MACROD2: variants seen among roughly 807,000 people sequenced by gnomAD.
MACROD2 encodes ADP-ribose glycohydrolase MACROD2.
In MACROD2, 36 loss-of-function variants were observed where a neutral mutation model predicts 70.4. The ratio of observed to expected loss-of-function variants is 0.51; its 90% CI spans 0.39 to 0.68. The LOEUF (loss-of-function observed/expected upper bound fraction) is 0.68. Ranked by LOEUF, MACROD2 falls within the 30% of genes least tolerant of loss-of-function variation. The probability of loss-of-function intolerance (pLI) is 0.00; values close to 1 mark genes in which losing one functional copy is unlikely to be tolerated. For missense variants in MACROD2, 496 were observed against 538.4 expected, an observed-to-expected ratio of 0.92 and a Z score of 0.78; for synonymous variants, 172 against 178.8, an observed-to-expected ratio of 0.96 and a Z score of 0.30.
chr20:15,641,730 G>T (rs1040409064), intron 8 of MACROD2, among the ~76,000 whole-genome samples: 5 of 152,158 alleles, frequency 3.3e-5, no homozygotes, highest in African/African-American at 1.2e-4. Flanking sequence ...TTATTCATCT[G>T]AAGACAAGGA....
chr20:14,467,161 C>T (rs888508470), intron 3 of MACROD2, among the ~76,000 whole-genome samples: 2 of 152,176 alleles, frequency 1.3e-5, no homozygotes, highest in African/African-American at 4.8e-5. Context: ...GGCAGGCCTC[C>T]TTGAGCTGTG....
intron 7 of MACROD2, among the ~76,000 whole-genome samples, chr20:15,467,966 G>A (rs1328551298): frequency 6.6e-6 from 1 of 152,126 alleles, no homozygotes; most frequent in Non-Finnish European, 1.5e-5. Flanking sequence ...TCTGATTTCC[G>A]AGCTTCTACC....
intron 15 of MACROD2, among the ~76,000 whole-genome samples, chr20:16,026,301 A>C (rs1182104749): frequency 6.6e-6 from 1 of 152,196 alleles, no homozygotes; most frequent in Non-Finnish European, 1.5e-5. Context: ...GCCTCAGTAC[A>C]CCACCATTTT....
intron 6 of MACROD2, among the ~76,000 whole-genome samples, chr20:15,292,061 G>T (rs536822682): frequency 2.6e-5 from 4 of 152,160 alleles, no homozygotes; most frequent in African/African-American, 9.6e-5. Context: ...TGTTTTTAGA[G>T]ATAGAGGTCT....
chr20:14,550,977 T>C (rs1374453251), intron 4 of MACROD2, among the ~76,000 whole-genome samples: 1 of 152,182 alleles, frequency 6.6e-6, no homozygotes, highest in East Asian at 1.9e-4. Context: ...TTGAACTGCT[T>C]ATATTTGCTG....
intron 5 of MACROD2, among the ~76,000 whole-genome samples, chr20:14,944,614 T>G (rs992888125): frequency 6.6e-6 from 1 of 152,220 alleles, no homozygotes; most frequent in African/African-American, 2.4e-5. Flanking sequence ...GATTCCAGAT[T>G]CCCAGTGAAG....
chr20:14,906,265 G>C (rs978157440), intron 5 of MACROD2, among the ~76,000 whole-genome samples: 1 of 152,180 alleles, frequency 6.6e-6, no homozygotes, highest in Admixed American at 6.5e-5. Flanking sequence ...AGGCCAAGGA[G>C]GGTGTGTCAC....
intron 3 of MACROD2, among the ~76,000 whole-genome samples, chr20:14,373,201 A>G (rs1352812199): frequency 1.3e-5 from 2 of 152,152 alleles, no homozygotes; most frequent in Non-Finnish European, 2.9e-5. Flanking sequence ...CCAAACTACC[A>G]AAATGAAAAA....
intron 5 of MACROD2, among the ~76,000 whole-genome samples, chr20:15,160,126 GA>G (rs1303206828): frequency 2.0e-5 from 3 of 152,016 alleles, no homozygotes; most frequent in Admixed American, 6.6e-5. Context: ...GAGACAATTG[GA>G]ACCCCTTAAT....
intron 3 of MACROD2, among the ~76,000 whole-genome samples, chr20:14,353,421 C>A (rs1196044547): frequency 6.6e-6 from 1 of 152,018 alleles, no homozygotes; most frequent in African/African-American, 2.4e-5. Flanking sequence ...TCCTACTCCA[C>A]ATGTGTGAGT....
rs553250944 is a variant in MACROD2 at position 14,037,811 on chromosome 20, A to AT, written c.163+35407_163+35408insT. ...AGGCGGGTGGATGGTTTGAGCCCAG[A>AT]ATTTCCACACCAGCCTGTGCAATGT... On this transcript the variant is annotated intron_variant, in intron 2 of 17. Transcript: ENST00000684519. Among the ~76,000 whole-genome samples, 73 of 151,470 alleles carry AT rather than the reference A, an allele frequency of 4.8e-4. No homozygotes were observed. The East Asian group carries it at 0.012, about 25-fold the overall frequency.
chr20:15,628,886 G>T (rs2049246952), intron 8 of MACROD2, among the ~76,000 whole-genome samples: 1 of 152,164 alleles, frequency 6.6e-6, no homozygotes. Context: ...GTGTGTATTG[G>T]TTTCTTTGAC....
chr20:14,396,652 G>A (rs1022526380), intron 3 of MACROD2, among the ~76,000 whole-genome samples: 4 of 152,008 alleles, frequency 2.6e-5, no homozygotes, highest in Non-Finnish European at 4.4e-5. Context: ...TGGGCTGAGC[G>A]CAGTGGCTCA....
At position 14,965,466 on chromosome 20, in the gene MACROD2, T is replaced by TC. The variant is rs1352606652; in HGVS notation, c.419-264474_419-264473insC. 5.3e-5 allele frequency among the ~76,000 whole-genome samples: 7 copies of TC among 132,236 alleles called. 1 individual carries two copies. The highest frequency in any genetic ancestry group is 3.8e-4 in the Admixed American group (5 of 13,280). The allele number at this position is 132,236 out of a possible 152,430, so 86.8% of individuals were successfully genotyped here. A position where few individuals can be genotyped will look rare whatever the true frequency, so the allele number is the denominator to read the frequency against. ...TTATTTTTTTTTCTTTTTTTTTTTT[T>TC]TTTTTTTTTTTTGAGACGGAGTCTC... On this transcript the variant is annotated intron_variant, in intron 5 of 17. Coordinates refer to ENST00000684519, the MANE Select transcript of MACROD2 (RefSeq NM_001351661.2).
intron 3 of MACROD2, among the ~76,000 whole-genome samples, chr20:14,313,668 A>AGTGATTCTAATACCAAGAGTGGCTAATTC (rs2082588019): frequency 6.6e-6 from 1 of 152,192 alleles, no homozygotes; most frequent in Non-Finnish European, 1.5e-5. Flanking sequence ...TCTTAGACCT[A>AGTGATTCTAATACCAAGAGTGGCTAATTC]ATCCTTTAAG....
chr20:14,764,357 A>T (rs2072057039), intron 5 of MACROD2, among the ~76,000 whole-genome samples: 1 of 151,900 alleles, frequency 6.6e-6, no homozygotes, highest in South Asian at 2.1e-4. Flanking sequence ...TGGTGATTTG[A>T]CATGCTTTTC....
chr20:15,658,581 T>C (rs941550875), intron 8 of MACROD2, among the ~76,000 whole-genome samples: 1 of 152,208 alleles, frequency 6.6e-6, no homozygotes. Flanking sequence ...GGATGACCCA[T>C]AGACAGACCA....
intron 5 of MACROD2, among the ~76,000 whole-genome samples, chr20:14,983,768 ATG>A (rs1013031897): frequency 6.6e-6 from 1 of 151,952 alleles, no homozygotes; most frequent in African/African-American, 2.4e-5. Context: ...GCATGCTAAT[ATG>A]TGTGTGTGTG....
chr20:14,662,881 T>C (rs1600512679), intron 4 of MACROD2, among the ~76,000 whole-genome samples: 2 of 151,986 alleles, frequency 1.3e-5, no homozygotes, highest in African/African-American at 4.8e-5. Flanking sequence ...GATGAGAGTG[T>C]AGATAGTGTA....
Sources: allele counts gnomAD v4.1 joint callset (sites outside exome capture counted in the v4.1 genomes callset), GRCh38; gene constraint gnomAD v4.1.1; transcripts MANE v1.5; gene names NCBI Gene and HGNC (gene_info 2026-07-23, HGNC 2026-07-21).